The following CTNNAL1 variants were observed in gnomAD, a reference collection of about 807,000 sequenced individuals.
CTNNAL1 encodes catenin alpha like 1, also known as alpha-catulin.
CTNNAL1 carries 69 observed loss-of-function variants against 93.6 expected under a neutral mutation model. That is an observed-to-expected ratio of 0.74 (90% CI 0.61 to 0.90). CTNNAL1 has a LOEUF of 0.90. Ranked by LOEUF, CTNNAL1 falls within the 40% of genes least tolerant of loss-of-function variation. The pLI is 0.00. For missense variants in CTNNAL1, 836 were observed against 862.0 expected, an observed-to-expected ratio of 0.97 and a Z score of 0.38; for synonymous variants, 286 against 305.4, an observed-to-expected ratio of 0.94 and a Z score of 0.66.
At chr9:108,964,007 C>A (rs1193960961) in intron 11 of CTNNAL1, among the ~76,000 whole-genome samples, 22 of 152,204 alleles carry the variant, frequency 1.4e-4, no homozygotes, top group Non-Finnish European at 1.5e-5. Flanking sequence ...TATCTTATCA[C>A]AACAGCAAGC....
At chr9:108,991,963 A>G (rs1054672368) in intron 3 of CTNNAL1, 8 of 694,472 alleles carry the variant, frequency 1.2e-5, no homozygotes, top group Non-Finnish European at 2.1e-5. Flanking sequence ...AAGTTTTGAG[A>G]TTATTCAGTA....
chr9:109,011,662 G>C (rs1017428149), intron 1 of CTNNAL1, among the ~76,000 whole-genome samples: 2 of 152,214 alleles, frequency 1.3e-5, no homozygotes, highest in African/African-American at 4.8e-5. Context: ...GTGTAGCAAA[G>C]AGAACCTTCT....
At chr9:108,957,094 A>C (rs114964071) in intron 11 of CTNNAL1, among the ~76,000 whole-genome samples, 1,588 of 150,760 alleles carry the variant, frequency 0.011, 24 homozygotes, top group African/African-American at 0.037. Context: ...GTTTCTTTTT[A>C]ATTTTTCTTG....
intron 1 of CTNNAL1, among the ~76,000 whole-genome samples, chr9:109,005,214 T>G (rs1826979664): frequency 6.6e-6 from 1 of 152,146 alleles, no homozygotes; most frequent in Non-Finnish European, 1.5e-5. Flanking sequence ...GGCACCAGCT[T>G]AATCCTTTTC....
At chr9:109,000,300 C>G (rs1826752824) in intron 1 of CTNNAL1, among the ~76,000 whole-genome samples, 1 of 152,120 alleles carries the variant, frequency 6.6e-6, no homozygotes, top group African/African-American at 2.4e-5. Context: ...CTAAGACAAT[C>G]CCACCACCAT....
chr9:108,999,370 CA>C (rs1826701501), intron 1 of CTNNAL1, 114 bp from the exon 2 acceptor site: 2 of 984,766 alleles, frequency 2.0e-6, no homozygotes, highest in Non-Finnish European at 1.4e-6. Context: ...TAGACTAAAT[CA>C]ATAGTTAGAG....
At chr9:108,984,563 AC>A (rs1347363306) in intron 4 of CTNNAL1, 127 bp from the exon 5 acceptor site, 4 of 556,470 alleles carry the variant, frequency 7.2e-6, no homozygotes, top group African/African-American at 1.9e-5. Context: ...AAAAAAAAAA[AC>A]CAGGATAAAG....
chr9:108,979,329 A>G lies in CTNNAL1; in HGVS notation c.1053T>C (p.Thr351=), dbSNP rs1462854640. The part of the protein sequence containing the change: ...EHRERILELS[T]QARMELQQLI... ...ACTGCTGCAGTTCCATTCTCGCCTG[A>G]GTTGACAGTTCCAAGATGCGTTCTC... Residue 351 remains threonine, a synonymous_variant, in exon 7 of 19, where the codon ACT becomes ACC. Coordinates refer to ENST00000325551, the MANE Select transcript of CTNNAL1 (RefSeq NM_003798.4). 6.2e-7 allele frequency: 1 copy of G among 1,614,180 alleles called. No individual in the cohort carries two copies. The highest frequency in any genetic ancestry group is 1.7e-5 in the Admixed American group (1 of 60,020).
intron 4 of CTNNAL1, among the ~76,000 whole-genome samples, chr9:108,990,343 A>G (rs1831752077): frequency 6.6e-6 from 1 of 152,232 alleles, no homozygotes; most frequent in Non-Finnish European, 1.5e-5. Context: ...GGTAAGAATA[A>G]CAAATATCTA....
At position 108,984,293 on chromosome 9, in the gene CTNNAL1, A is replaced by T. The variant is rs932867602; in HGVS notation, c.729+54T>A. On this transcript the variant is annotated intron_variant, in intron 5 of 18. Coordinates refer to ENST00000325551, the MANE Select transcript of CTNNAL1 (RefSeq NM_003798.4). The stretch of plus-strand genomic sequence containing the variant: ...TAAATTATGTAAGTTAAATGCATTT[A>T]GTCGGGTGTTCTAATTATTAATTTA... 15 of 862,318 alleles carry T rather than the reference A, an allele frequency of 1.7e-5. No homozygotes were observed. In the African/African-American group the frequency reaches 2.0e-4, roughly 12 times the overall value. 53.4% of individuals were successfully genotyped at this position (862,318 alleles called of 1,614,324 possible). A position where few individuals can be genotyped will look rare whatever the true frequency, so the allele number is the denominator to read the frequency against.
At chr9:109,002,252 G>A (rs973935061) in intron 1 of CTNNAL1, among the ~76,000 whole-genome samples, 1 of 152,118 alleles carries the variant, frequency 6.6e-6, no homozygotes, top group Non-Finnish European at 1.5e-5. Context: ...TCCTCACAAG[G>A]CTCCCTGAAG....
intron 1 of CTNNAL1, among the ~76,000 whole-genome samples, chr9:109,012,349 T>G (rs1482788756): frequency 1.3e-5 from 2 of 152,204 alleles, no homozygotes; most frequent in Non-Finnish European, 2.9e-5. Flanking sequence ...TCAGATAATC[T>G]TTAAGATTTC....
chr9:108,943,860 C>G (rs769205844), intron 16 of CTNNAL1, 44 bp from the exon 17 acceptor site: 1 of 1,605,728 alleles, frequency 6.2e-7, no homozygotes, highest in South Asian at 1.1e-5. Flanking sequence ...CAACAAAACT[C>G]CATCTTTAAT....
At chr9:108,995,762 TAAC>T (rs1050172343) in intron 2 of CTNNAL1, among the ~76,000 whole-genome samples, 13 of 152,170 alleles carry the variant, frequency 8.5e-5, no homozygotes, top group African/African-American at 2.9e-4. Context: ...ATTATAATAA[TAAC>T]AACTAATATT....
At position 108,990,929 on chromosome 9, in the gene CTNNAL1, G is replaced by C. The variant is rs28361117; in HGVS notation, c.520-84C>G. On this transcript the variant is annotated intron_variant, in intron 3 of 18. Coordinates refer to ENST00000325551, the MANE Select transcript of CTNNAL1 (RefSeq NM_003798.4). ...CAAGGCTGAGTAGAGAGAAGAAAAGGAAAATTCTGAATTCTAGGTGAAAGC... is the reference window on the plus strand; with the variant it reads ...CAAGGCTGAGTAGAGAGAAGAAAAGCAAAATTCTGAATTCTAGGTGAAAGC... The C allele has an allele frequency of 3.7e-3, 5,490 of 1,465,096 alleles. 178 individuals carry two copies. In the African/African-American group the frequency reaches 0.07, roughly 19 times the overall value. The allele number at this position is 1,465,096 out of a possible 1,614,324, so 90.8% of individuals were successfully genotyped here.
chr9:109,009,239 T>C (rs567290600), intron 1 of CTNNAL1, among the ~76,000 whole-genome samples: 29 of 152,204 alleles, frequency 1.9e-4, no homozygotes, highest in African/African-American at 6.0e-4. Context: ...CATTTTTTTC[T>C]TAAGGTTTAT....
Position 108,976,964 on chromosome 9 carries a change from C to T in CTNNAL1, c.1186G>A (p.Glu396Lys). ...ISHSLNELKK[E>K]LHSTATQLAA... ...GCTAAATTTCAAACTATACTTACTT[C>T]TTTCTTAAGTTCATTAAGACTGTGA... Residue 396 changes from glutamate (E) to lysine (K), a missense_variant and splice_region_variant, in exon 8 of 19, where the codon GAA (glutamate) becomes AAA (lysine). Transcript: ENST00000325551. The T allele has an allele frequency of 1.4e-6, 2 of 1,379,894 alleles. No homozygotes were observed. Among genetic ancestry groups the T allele is most frequent in the Non-Finnish European group, 2.0e-6 (2 of 1,020,134 alleles). 85.5% of individuals were successfully genotyped at this position (1,379,894 alleles called of 1,614,324 possible).
At chr9:108,983,030 A>G (rs12349436) in intron 6 of CTNNAL1, 115 bp downstream of exon 6, 72,732 of 973,538 alleles carry the variant, frequency 0.075, 3,124 homozygotes, top group Admixed American at 0.14. Flanking sequence ...GTGAGCCGAG[A>G]TCACACCACT....
chr9:109,011,752 C>T (rs1236495465), intron 1 of CTNNAL1, among the ~76,000 whole-genome samples: 1 of 152,230 alleles, frequency 6.6e-6, no homozygotes, highest in Non-Finnish European at 1.5e-5. Flanking sequence ...CCTCAGTATT[C>T]CTCAGTTTCC....
Sources: gnomAD v4.1 joint callset for allele counts (sites outside exome capture counted in the v4.1 genomes callset) on GRCh38, gnomAD v4.1.1 for gene constraint, MANE v1.5 for transcripts, NCBI Gene and HGNC (gene_info 2026-07-23, HGNC 2026-07-21) for gene names.